Variants in DCTN2 observed in about 807,000 individuals in gnomAD.
DCTN2 encodes dynactin subunit 2, also known as 50 kDa dynein-associated polypeptide.
A neutral mutation model predicts 55.4 loss-of-function variants in DCTN2; 18 were observed. The observed-to-expected ratio is 0.32, with a 90% CI of 0.22 to 0.48. DCTN2 has a LOEUF of 0.48. Ranked by LOEUF, DCTN2 falls within the 20% of genes least tolerant of loss-of-function variation. DCTN2 has a pLI of 0.99. For synonymous variants in DCTN2, 168 were observed against 185.2 expected, an observed-to-expected ratio of 0.91 and a Z score of 0.76; for missense variants, 390 against 491.0, an observed-to-expected ratio of 0.79 and a Z score of 1.94.
chr12:57,539,234 C>A (rs1156513436), intron 2 of DCTN2, among the ~76,000 whole-genome samples: 1 of 152,222 alleles, frequency 6.6e-6, no homozygotes. Flanking sequence ...CAGAGCTGCT[C>A]CTGGTCCCTT....
chr12:57,542,872 C>T (rs1272034885), intron 2 of DCTN2: 1 of 455,872 alleles, frequency 2.2e-6, no homozygotes, highest in Non-Finnish European at 4.4e-6. Flanking sequence ...AGAGTCTATC[C>T]ATATTGGTTG....
At chr12:57,535,456 C>T (rs1363300962) in intron 4 of DCTN2, 28 bp downstream of exon 4, 1 of 1,613,094 alleles carries the variant, frequency 6.2e-7, no homozygotes, top group Non-Finnish European at 8.5e-7. Context: ...ACACCATTCC[C>T]ATCAACACAC....
In DCTN2 at chr12:57,534,039, T is replaced by C. The variant is rs772478638; in HGVS notation, c.583A>G (p.Thr195Ala). The C allele has an allele frequency of 3.7e-6, 6 of 1,612,768 alleles. No homozygotes were observed. The highest frequency in any genetic ancestry group is 4.2e-6 in the Non-Finnish European group (5 of 1,179,446). The change falls in exon 7 of 14, where the codon ACC (threonine) becomes GCC (alanine). Residue 195 changes from threonine (T) to alanine (A), a missense_variant. Thr to Ala is a moderately conservative substitution (Grantham distance 58, BLOSUM62 0). Transcript: ENST00000548249. ...CTGCTATCTGGGGGGGTCCCAGTGGTTTTTCCCCCTGATCCCCCTTTGCTG... is the reference window on the plus strand; with the variant it reads ...CTGCTATCTGGGGGGGTCCCAGTGGCTTTTCCCCCTGATCCCCCTTTGCTG... ...KNSKGGSGGK[T>A]TGTPPDSSLV...
chr12:57,534,607 T>C, intron 5 of DCTN2, 155 bp from the exon 6 acceptor site: 1 of 631,018 alleles, frequency 1.6e-6, no homozygotes, highest in Non-Finnish European at 2.6e-6. Context: ...TGCATACAGA[T>C]GGATGCATAT....
At chr12:57,534,787 C>T (rs531602841) in intron 5 of DCTN2, among the ~76,000 whole-genome samples, 8 of 152,314 alleles carry the variant, frequency 5.3e-5, no homozygotes, top group Non-Finnish European at 1.0e-4. Context: ...CTGCCTTAGC[C>T]TCCCGAGTAG....
intron 7 of DCTN2, 119 bp downstream of exon 7, chr12:57,533,834 T>A: frequency 9.9e-7 from 1 of 1,010,420 alleles, no homozygotes; most frequent in Non-Finnish European, 1.4e-6. Flanking sequence ...GAGGAATCAA[T>A]CAAGAGGAAT....
At chr12:57,546,690 G>A (rs994402965) in intron 1 of DCTN2, among the ~76,000 whole-genome samples, 2 of 152,184 alleles carry the variant, frequency 1.3e-5, no homozygotes, top group African/African-American at 4.8e-5. Flanking sequence ...TGTGTCTGGG[G>A]TAGCGATGGG....
intron 2 of DCTN2, among the ~76,000 whole-genome samples, chr12:57,545,069 T>C (rs1408464506): frequency 6.6e-6 from 1 of 152,030 alleles, no homozygotes; most frequent in East Asian, 1.9e-4. Flanking sequence ...CAGTCAGCAT[T>C]CCCCAGAATT....
At chr12:57,534,642 C>T (rs1880069916) in intron 5 of DCTN2, 190 bp from the exon 6 acceptor site, 1 of 540,220 alleles carries the variant, frequency 1.9e-6, no homozygotes, top group African/African-American at 1.9e-5. Flanking sequence ...AACCTTAGCC[C>T]CTTTATCCAG....
intron 8 of DCTN2, 79 bp downstream of exon 8, chr12:57,533,159 C>T: frequency 1.3e-6 from 2 of 1,581,382 alleles, no homozygotes; most frequent in African/African-American, 1.3e-5. Context: ...TCCTCCCAGG[C>T]TTATGTGGAA....
At position 57,532,775 on chromosome 12, in the gene DCTN2, G is replaced by T. The variant is rs186110292; in HGVS notation, c.810C>A (p.Ala270=). The T allele has an allele frequency of 8.7e-5, 141 of 1,613,964 alleles. No homozygotes were observed. In the African/African-American group the frequency reaches 1.3e-3, roughly 15 times the overall value. ...CTTGATCCAAAACTGCAAGGTCTAG[G>T]GCGCTCACCTTTGCTTGCAACAGCT... ...TVELLQAKVS[A]LDLAVLDQVE... Residue 270 remains alanine (A), a synonymous_variant, in exon 10 of 14, where the codon GCC becomes GCA. Coordinates refer to ENST00000548249, the MANE Select transcript of DCTN2 (RefSeq NM_001261413.2).
At chr12:57,540,689 T>C (rs1055946081) in intron 2 of DCTN2, among the ~76,000 whole-genome samples, 1 of 152,168 alleles carries the variant, frequency 6.6e-6, no homozygotes, top group Admixed American at 6.5e-5. Context: ...AAAACCATGA[T>C]GACAAGGAAG....
chr12:57,532,465 G>T, intron 11 of DCTN2, 107 bp downstream of exon 11: 1 of 1,366,480 alleles, frequency 7.3e-7, no homozygotes, highest in Non-Finnish European at 1.0e-6. Context: ...CTTCATAAGA[G>T]CTTATGAAGA....
intron 13 of DCTN2, among the ~76,000 whole-genome samples, chr12:57,531,710 A>G (rs914822107): frequency 6.6e-6 from 1 of 152,208 alleles, no homozygotes; most frequent in African/African-American, 2.4e-5. Context: ...AGTTGAGACG[A>G]CAAAGGGAAA....
At chr12:57,535,684 C>T in intron 3 of DCTN2, 65 bp downstream of exon 3, 1 of 1,538,072 alleles carries the variant, frequency 6.5e-7, no homozygotes, top group Non-Finnish European at 9.0e-7. Flanking sequence ...GACTTTAGGA[C>T]AGGAAACCAC....
In DCTN2 at chr12:57,530,602, G is replaced by T; in HGVS notation, c.*87C>A. 1 of 1,203,214 alleles carries T rather than the reference G, an allele frequency of 8.3e-7. No individual in the cohort carries two copies. The highest frequency in any genetic ancestry group is 1.2e-6 in the Non-Finnish European group (1 of 831,764). The allele number at this position is 1,203,214 out of a possible 1,614,324, so 74.5% of individuals were successfully genotyped here. On this transcript the variant is annotated 3_prime_UTR_variant, in exon 14 of 14. Transcript: ENST00000548249. ...TGTCAAATGGGATGGGGATGCTAGA[G>T]TTATAGTAAAGGGGAAACCCTATGT...
At chr12:57,541,066 C>T (rs575869178) in intron 2 of DCTN2, among the ~76,000 whole-genome samples, 18 of 152,246 alleles carry the variant, frequency 1.2e-4, no homozygotes, top group African/African-American at 4.1e-4. Context: ...AACTCCAGCC[C>T]CTAAATGCCT....
rs1448807697 is a variant in DCTN2, at chr12:57,541,250, G to A, written c.105+4778C>T. On this transcript the variant is annotated intron_variant, in intron 2 of 13. Transcript: ENST00000548249. ...AGCAGGCCCCTCAGTGACCCAGCCA[G>A]GGACTCACTGGAATTTAAAACGATT... 4 of 1,291,198 alleles carry A rather than the reference G, an allele frequency of 3.1e-6. No individual in the cohort carries two copies. In the East Asian group the frequency reaches 7.1e-5, roughly 23 times the overall value. 80.0% of individuals were successfully genotyped at this position (1,291,198 alleles called of 1,614,324 possible).
intron 2 of DCTN2, chr12:57,540,185 C>T (rs1880585370): frequency 1.1e-6 from 1 of 919,756 alleles, no homozygotes; most frequent in Non-Finnish European, 1.3e-6. Flanking sequence ...AGGAGAAGTA[C>T]ACACACTATA....
Sources: gnomAD v4.1 joint callset for allele counts (sites outside exome capture counted in the v4.1 genomes callset) on GRCh38, gnomAD v4.1.1 for gene constraint, MANE v1.5 for transcripts, NCBI Gene and HGNC (gene_info 2026-07-23, HGNC 2026-07-21) for gene names.